Variants in MAGI2 observed in about 807,000 individuals in gnomAD.
The protein encoded by MAGI2 is membrane-associated guanylate kinase, WW and PDZ domain-containing protein 2.
MAGI2 carries 35 observed loss-of-function variants against 133.3 expected under a neutral mutation model. That is an observed-to-expected ratio of 0.26 (90% CI 0.20 to 0.35). The LOEUF is 0.35. Ranked by LOEUF, MAGI2 falls within the 10% of genes least tolerant of loss-of-function variation. MAGI2 has a pLI of 1.00. For synonymous variants in MAGI2, 729 were observed against 710.6 expected (o/e 1.03, Z -0.41); for missense variants, 1,636 against 1,863.4 (o/e 0.88, Z 2.25).
At chr7:78,738,409 G>T (rs1822075052) in intron 2 of MAGI2, among the ~76,000 whole-genome samples, 1 of 151,876 alleles carries the variant, frequency 6.6e-6, no homozygotes, top group South Asian at 2.1e-4. Context: ...TTCTAATTTA[G>T]GGTAATTTAT....
At chr7:78,867,114 T>C (rs1489283629) in intron 2 of MAGI2, among the ~76,000 whole-genome samples, 1 of 148,816 alleles carries the variant, frequency 6.7e-6, no homozygotes, top group East Asian at 2.0e-4. Context: ...AGTTCAACCA[T>C]TGTGGAAGTC....
intron 21 of MAGI2, among the ~76,000 whole-genome samples, chr7:78,027,648 GA>G (rs10590756): frequency 7.0e-6 from 1 of 142,310 alleles, no homozygotes; most frequent in Middle Eastern, 3.7e-3. Flanking sequence ...AAAAAAGAAA[GA>G]AAAAGAAAAA....
chr7:78,573,284 T>TTATA (rs1332121524), intron 3 of MAGI2, among the ~76,000 whole-genome samples: 6 of 26,864 alleles, frequency 2.2e-4, no homozygotes, highest in Non-Finnish European at 2.9e-4. Flanking sequence ...ATATATATAT[T>TTATA]TATATAAATA....
intron 1 of MAGI2, among the ~76,000 whole-genome samples, chr7:79,019,253 A>C (rs1369743465): frequency 1.3e-5 from 2 of 152,184 alleles, no homozygotes; most frequent in African/African-American, 2.4e-5. Context: ...GAATTGTAAC[A>C]ATCCCCACGT....
At chr7:78,810,677 G>A (rs1001317819) in intron 2 of MAGI2, among the ~76,000 whole-genome samples, 2 of 151,944 alleles carry the variant, frequency 1.3e-5, no homozygotes, top group Non-Finnish European at 1.5e-5. Context: ...TATGCCTCTA[G>A]ATAATGACAA....
At chr7:78,742,248 T>C (rs926310613) in intron 2 of MAGI2, among the ~76,000 whole-genome samples, 5 of 152,110 alleles carry the variant, frequency 3.3e-5, no homozygotes, top group Admixed American at 6.5e-5. Context: ...AGAATAGGCC[T>C]AAAAAGGTTA....
chr7:79,346,255 A>G (rs1033288111), intron 1 of MAGI2, among the ~76,000 whole-genome samples: 7 of 152,070 alleles, frequency 4.6e-5, no homozygotes, highest in African/African-American at 1.4e-4. Context: ...TATTAAAACA[A>G]GTAGCTTCAT....
chr7:78,988,670 A>G (rs940356449), intron 2 of MAGI2, among the ~76,000 whole-genome samples: 3 of 152,122 alleles, frequency 2.0e-5, no homozygotes, highest in Non-Finnish European at 4.4e-5. Context: ...GATATTTTAC[A>G]TGGTGGTGCT....
At chr7:79,159,200 A>G (rs2129547569) in intron 1 of MAGI2, among the ~76,000 whole-genome samples, 1 of 152,216 alleles carries the variant, frequency 6.6e-6, no homozygotes, top group Non-Finnish European at 1.5e-5. Flanking sequence ...TTTAGGACAA[A>G]ACAGAAAGTC....
intron 2 of MAGI2, among the ~76,000 whole-genome samples, chr7:78,781,850 G>T (rs1395044511): frequency 2.6e-5 from 4 of 152,088 alleles, no homozygotes; most frequent in Non-Finnish European, 5.9e-5. Flanking sequence ...AAGAAATTGG[G>T]TATTAAAGAC....
chr7:78,416,721 C>T (rs1053712246), intron 6 of MAGI2, among the ~76,000 whole-genome samples: 2 of 152,106 alleles, frequency 1.3e-5, no homozygotes, highest in African/African-American at 4.8e-5. Flanking sequence ...AAGCCTCCAC[C>T]TTTGTGAATG....
intron 1 of MAGI2, among the ~76,000 whole-genome samples, chr7:79,294,236 A>G (rs914384293): frequency 1.3e-5 from 2 of 151,816 alleles, no homozygotes; most frequent in African/African-American, 4.8e-5. Flanking sequence ...GTGATGTTGT[A>G]GGACTTTCTC....
At chr7:78,244,126 C>T (rs1791482207) in intron 10 of MAGI2, among the ~76,000 whole-genome samples, 1 of 127,584 alleles carries the variant, frequency 7.8e-6, no homozygotes, top group African/African-American at 3.1e-5. Context: ...GAGTTTGAGA[C>T]CAGCCTGGTC....
In MAGI2 at chr7:78,353,257, T is replaced by C. The variant is rs141068796; in HGVS notation, c.1104-7214A>G. On this transcript the variant is annotated intron_variant, in intron 7 of 21. Coordinates refer to ENST00000354212, the MANE Select transcript of MAGI2 (RefSeq NM_012301.4). ...TAGAGACAAGACTAATAAGTCCTCT[T>C]CTACTGGTGTCTGACAATCTGACTA... Among the ~76,000 whole-genome samples, 46 of 152,368 alleles carry C rather than the reference T, an allele frequency of 3.0e-4. No homozygotes were observed. The East Asian group carries it at 7.9e-3, about 26-fold the overall frequency.
intron 2 of MAGI2, among the ~76,000 whole-genome samples, chr7:78,922,439 G>A (rs1383455193): frequency 2.6e-5 from 4 of 151,270 alleles, no homozygotes; most frequent in Middle Eastern, 3.4e-3. Context: ...GAGAACATGC[G>A]GTGTTTGGTT....
intron 2 of MAGI2, among the ~76,000 whole-genome samples, chr7:78,731,535 G>T: frequency 6.6e-6 from 1 of 152,110 alleles, no homozygotes; most frequent in African/African-American, 2.4e-5. Flanking sequence ...ATATATACTA[G>T]CTGGTTGAAG....
intron 2 of MAGI2, among the ~76,000 whole-genome samples, chr7:78,662,029 C>T (rs181546722): frequency 6.0e-4 from 91 of 152,194 alleles, no homozygotes; most frequent in Admixed American, 4.2e-3. Flanking sequence ...TCTGCTTACA[C>T]GGGTCATCAC....
At chr7:79,341,720 C>T (rs10499842) in intron 1 of MAGI2, among the ~76,000 whole-genome samples, 28,175 of 152,032 alleles carry the variant, frequency 0.19, 2,719 homozygotes, top group East Asian at 0.21. Context: ...TGTGATTAAA[C>T]CTAGTCTTGG....
At chr7:78,299,762 C>T (rs1385822925) in intron 9 of MAGI2, among the ~76,000 whole-genome samples, 88 of 152,246 alleles carry the variant, frequency 5.8e-4, no homozygotes, top group African/African-American at 2.1e-3. Flanking sequence ...CCTCTCAACC[C>T]CCACCCTCCA....
Sources: allele counts gnomAD v4.1 joint callset (sites outside exome capture counted in the v4.1 genomes callset), GRCh38; gene constraint gnomAD v4.1.1; transcripts MANE v1.5; gene names NCBI Gene and HGNC (gene_info 2026-07-23, HGNC 2026-07-21).